Variants in LIPC observed in about 807,000 individuals in gnomAD.
LIPC encodes lipase C, hepatic type.
Under a neutral mutation model 50.7 loss-of-function variants are expected in LIPC, and 44 were observed. That is an observed-to-expected ratio of 0.87 (90% confidence interval 0.68 to 1.11). LIPC has a LOEUF of 1.11. Ranked by LOEUF, LIPC falls within the 50% of genes most tolerant of loss-of-function variation. LIPC has a pLI of 0.00. For missense variants in LIPC, 697 were observed against 648.2 expected (o/e 1.08, Z -0.82); for synonymous variants, 271 against 256.4 (o/e 1.06, Z -0.54).
intron 1 of LIPC, among the ~76,000 whole-genome samples, chr15:58,446,598 A>G (rs1429822883): frequency 6.6e-6 from 1 of 151,686 alleles, no homozygotes; most frequent in Non-Finnish European, 1.5e-5. Flanking sequence ...CAATTCTCAC[A>G]CTCATCTGTG....
At chr15:58,458,598 G>A (rs185487486) in intron 1 of LIPC, among the ~76,000 whole-genome samples, 1 of 152,112 alleles carries the variant, frequency 6.6e-6, no homozygotes, top group Admixed American at 6.5e-5. Context: ...CTTTATCCCC[G>A]TTATCTTGGG....
intron 1 of LIPC, among the ~76,000 whole-genome samples, chr15:58,479,866 C>T (rs965501763): frequency 1.3e-5 from 2 of 152,102 alleles, no homozygotes; most frequent in Non-Finnish European, 2.9e-5. Context: ...ACCATTAACC[C>T]CCCAGCTTGA....
At chr15:58,479,092 G>C (rs1172567296) in intron 1 of LIPC, among the ~76,000 whole-genome samples, 1 of 152,152 alleles carries the variant, frequency 6.6e-6, no homozygotes, top group Non-Finnish European at 1.5e-5. Flanking sequence ...CTGCTGCTTT[G>C]TTCATTATTG....
At chr15:58,532,163 G>A (rs1379232807) in intron 1 of LIPC, among the ~76,000 whole-genome samples, 1 of 152,210 alleles carries the variant, frequency 6.6e-6, no homozygotes, top group East Asian at 1.9e-4. Context: ...GTGGGAGTGG[G>A]AGAAACATTC....
At chr15:58,449,282 G>A (rs1488676797) in intron 1 of LIPC, among the ~76,000 whole-genome samples, 4 of 152,164 alleles carry the variant, frequency 2.6e-5, no homozygotes, top group African/African-American at 9.7e-5. Context: ...TAAACTCTAT[G>A]CTCATTGGGT....
intron 7 of LIPC, among the ~76,000 whole-genome samples, chr15:58,562,929 G>T (rs35412158): frequency 6.6e-6 from 1 of 151,824 alleles, no homozygotes; most frequent in Admixed American, 6.6e-5. Context: ...CTCTGTCAAC[G>T]TTGGGATATT....
At chr15:58,502,769 A>G (rs549154745) in intron 1 of LIPC, among the ~76,000 whole-genome samples, 1 of 152,300 alleles carries the variant, frequency 6.6e-6, no homozygotes, top group African/African-American at 2.4e-5. Flanking sequence ...TGAGAAAGGC[A>G]TACTCAGTCC....
intron 1 of LIPC, chr15:58,522,555 G>A (rs1474346269): frequency 6.5e-6 from 1 of 152,876 alleles, no homozygotes; most frequent in African/African-American, 2.4e-5. Context: ...GTTCCATCCT[G>A]GCAAGCGGAA....
At chr15:58,510,198 T>A in intron 1 of LIPC, among the ~76,000 whole-genome samples, 1 of 152,232 alleles carries the variant, frequency 6.6e-6, no homozygotes, top group East Asian at 1.9e-4. Context: ...ACAGATACTT[T>A]ATGTCTTCAG....
At chr15:58,447,772 G>C (rs1893751287) in intron 1 of LIPC, among the ~76,000 whole-genome samples, 1 of 152,214 alleles carries the variant, frequency 6.6e-6, no homozygotes, top group Admixed American at 6.5e-5. Context: ...GGTGACGCCA[G>C]TGCCACTGGT....
chr15:58,476,147 A>G (rs138693508), intron 1 of LIPC, among the ~76,000 whole-genome samples: 1 of 152,350 alleles, frequency 6.6e-6, no homozygotes, highest in Non-Finnish European at 1.5e-5. Flanking sequence ...AGGCTAAGCG[A>G]TCTGCTCAAA....
intron 1 of LIPC, among the ~76,000 whole-genome samples, chr15:58,506,984 AAGGGGT>A (rs1245190236): frequency 6.6e-6 from 1 of 152,230 alleles, no homozygotes; most frequent in Non-Finnish European, 1.5e-5. Context: ...ATGCCCAGCG[AAGGGGT>A]AGGGGAAGCT....
chr15:58,477,670 C>A (rs1891045745), intron 1 of LIPC, among the ~76,000 whole-genome samples: 1 of 152,104 alleles, frequency 6.6e-6, no homozygotes, highest in Non-Finnish European at 1.5e-5. Flanking sequence ...GAAGCTCCCC[C>A]AGTGTCTTAG....
chr15:58,536,991 A>T (rs1011788703), intron 1 of LIPC, among the ~76,000 whole-genome samples: 3 of 152,190 alleles, frequency 2.0e-5, no homozygotes, highest in Non-Finnish European at 4.4e-5. Flanking sequence ...TTATTCTCAG[A>T]AAGAATGATC....
In LIPC at chr15:58,432,119, A is replaced by G. The variant is rs1423184794; in HGVS notation, c.87A>G (p.Pro29=). 19 of 1,609,448 alleles carry G rather than the reference A, an allele frequency of 1.2e-5. No homozygotes were observed. Among genetic ancestry groups the G allele is most frequent in the Admixed American group, 1.7e-5 (1 of 60,004 alleles). Residue 29 remains proline, a splice_region_variant and synonymous_variant, in exon 1 of 9, where the codon CCA becomes CCG. Transcript: ENST00000299022. ...QSSALGQSLK[P]EPFGRRAQAV... The stretch of plus-strand genomic sequence containing the variant: ...GTGCCCTTGGACAAAGCCTGAAACC[A>G]GGTAAGAGCCTGACTTTTCTCCAGA...
chr15:58,437,860 G>A (rs1477206182), intron 1 of LIPC, among the ~76,000 whole-genome samples: 3 of 152,316 alleles, frequency 2.0e-5, no homozygotes, highest in East Asian at 3.9e-4. Flanking sequence ...TCCCATGCAA[G>A]AGACCCTCCC....
chr15:58,482,806 G>A lies in LIPC; in HGVS notation c.88+50686G>A, dbSNP rs117574640. On this transcript the variant is annotated intron_variant, in intron 1 of 8. Transcript: ENST00000299022. ...CATGATCAAGACCAGTCCTCCCTGG[G>A]TTTGGGGGCTTTTGAAAGGGCCCAG... Among the ~76,000 whole-genome samples, 1,435 of 152,306 alleles carry A rather than the reference G, an allele frequency of 9.4e-3. 11 individuals carry two copies. Among genetic ancestry groups the A allele is most frequent in the Non-Finnish European group, 0.014 (935 of 68,026 alleles).
At chr15:58,559,192 T>C (rs1054555621) in intron 6 of LIPC, among the ~76,000 whole-genome samples, 1 of 152,216 alleles carries the variant, frequency 6.6e-6, no homozygotes, top group Non-Finnish European at 1.5e-5. Flanking sequence ...AGTGGCTAGT[T>C]ACCGTGATCT....
chr15:58,567,339 G>A (rs8039743), intron 8 of LIPC, among the ~76,000 whole-genome samples: 913 of 17,304 alleles, frequency 0.053, 14 homozygotes, highest in African/African-American at 0.17. Context: ...ATATATATAT[G>A]TATATGTATA....
Sources: allele counts gnomAD v4.1 joint callset (sites outside exome capture counted in the v4.1 genomes callset), GRCh38; gene constraint gnomAD v4.1.1; transcripts MANE v1.5; gene names NCBI Gene and HGNC (gene_info 2026-07-23, HGNC 2026-07-21).